SAMD12: variants seen among roughly 807,000 people sequenced by gnomAD.
SAMD12 encodes the protein sterile alpha motif domain containing 12.
Under a neutral mutation model 15.0 loss-of-function variants are expected in SAMD12, and 9 were observed. The observed-to-expected ratio is 0.60, with a 90% CI of 0.36 to 1.05. SAMD12 has a LOEUF of 1.05. Among genes scored for constraint, SAMD12 ranks in the 50% least tolerant of loss-of-function variants. The pLI, the probability that SAMD12 is intolerant of heterozygous loss-of-function variation, is 0.01. For synonymous variants in SAMD12, 86 were observed against 90.1 expected (o/e 0.96, Z 0.25); for missense variants, 230 against 234.2 (o/e 0.98, Z 0.12).
In SAMD12 at chr8:118,378,616, T is replaced by C. The variant is rs1372960369; in HGVS notation, c.*801A>G. 2 of 985,148 alleles carry C rather than the reference T, an allele frequency of 2.0e-6. No individual in the cohort carries two copies. The highest frequency in any genetic ancestry group is 3.5e-5 in the African/African-American group (2 of 57,220). The allele number at this position is 985,148 out of a possible 1,614,324, so 61.0% of individuals were successfully genotyped here. Reference sequence around the variant, plus strand: ...TTGGCTGACCCAGATTTCTCCAATATCGGTATGCATGCAATTACAATATTC... The same window carrying C: ...TTGGCTGACCCAGATTTCTCCAATACCGGTATGCATGCAATTACAATATTC... On this transcript the variant is annotated 3_prime_UTR_variant, in exon 4 of 4. Coordinates refer to ENST00000314727, the MANE Select transcript of SAMD12 (RefSeq NM_207506.3).
intron 3 of SAMD12, among the ~76,000 whole-genome samples, chr8:118,413,221 T>G (rs1303141148): frequency 2.0e-5 from 3 of 152,134 alleles, no homozygotes; most frequent in Non-Finnish European, 4.4e-5. Context: ...GTGAGCTAAT[T>G]AATTATTTAT....
chr8:118,351,606 T>C (rs117982600), intron 4 of SAMD12, among the ~76,000 whole-genome samples: 8,524 of 152,144 alleles, frequency 0.056, 510 homozygotes, highest in Admixed American at 0.19. Flanking sequence ...TATGTGTATG[T>C]AGGATTGACA....
intron 2 of SAMD12, among the ~76,000 whole-genome samples, chr8:118,481,087 T>G (rs1182660127): frequency 6.6e-6 from 1 of 152,072 alleles, no homozygotes; most frequent in Non-Finnish European, 1.5e-5. Flanking sequence ...GGATTACAGG[T>G]GTGTGCCACC....
At chr8:118,554,450 G>A (rs1302864964) in intron 2 of SAMD12, among the ~76,000 whole-genome samples, 11 of 149,656 alleles carry the variant, frequency 7.4e-5, no homozygotes, top group Non-Finnish European at 1.5e-4. Context: ...ACCAAACACC[G>A]CATATTCTCA....
intron 4 of SAMD12, among the ~76,000 whole-genome samples, chr8:118,346,085 C>T (rs62532674): frequency 3.3e-5 from 5 of 152,146 alleles, no homozygotes; most frequent in African/African-American, 7.2e-5. Flanking sequence ...TCATAATTAT[C>T]GAGGGATGTC....
In SAMD12 at chr8:118,300,899, T is replaced by C. The variant is rs994302720; in HGVS notation, c.433+78661A>G. ...CTTCGATTTCTACAATGTAAACACATCTTACCTATTTTAACATGATGCATA... is the reference window on the plus strand; with the variant it reads ...CTTCGATTTCTACAATGTAAACACACCTTACCTATTTTAACATGATGCATA... On this transcript the variant is annotated intron_variant, in intron 4 of 4. Coordinates refer to the SAMD12 transcript ENST00000409003. Among the ~76,000 whole-genome samples the C allele has an allele frequency of 2.6e-5, 4 of 152,210 alleles. No individual in the cohort carries two copies. The East Asian group carries it at 7.7e-4, about 29-fold the overall frequency.
In SAMD12 at chr8:118,256,599, TA is replaced by T. The variant is rs574585408; in HGVS notation, c.434-58868del. On this transcript the variant is annotated intron_variant, in intron 4 of 4. Coordinates refer to the SAMD12 transcript ENST00000409003. ...TTTCAGTTCAAAGTGCGTAAAGTACTAATGGGGAAGAAGTTCCCATTTTACC... is the reference window on the plus strand; with the variant it reads ...TTTCAGTTCAAAGTGCGTAAAGTACTATGGGGAAGAAGTTCCCATTTTACC... 6.2e-3 allele frequency among the ~76,000 whole-genome samples: 939 copies of T among 152,134 alleles called. 13 individuals carry two copies. Among genetic ancestry groups the T allele is most frequent in the African/African-American group, 0.022 (904 of 41,516 alleles).
chr8:118,517,991 C>T (rs1404687737), intron 2 of SAMD12, among the ~76,000 whole-genome samples: 16 of 152,162 alleles, frequency 1.1e-4, no homozygotes, highest in Admixed American at 1.0e-3. Flanking sequence ...CATCCAACAG[C>T]AGGCTCAGAC....
At chr8:118,293,383 C>T (rs1814523745) in intron 4 of SAMD12, among the ~76,000 whole-genome samples, 1 of 152,158 alleles carries the variant, frequency 6.6e-6, no homozygotes, top group African/African-American at 2.4e-5. Context: ...TTGATGGTTA[C>T]CTTCTTGAGG....
At chr8:118,467,851 G>A (rs535024467) in intron 2 of SAMD12, among the ~76,000 whole-genome samples, 33 of 152,232 alleles carry the variant, frequency 2.2e-4, no homozygotes, top group African/African-American at 7.0e-4. Flanking sequence ...CATTGAAATC[G>A]CCAAGACACT....
At chr8:118,237,317 T>G (rs1383008709) in intron 4 of SAMD12, among the ~76,000 whole-genome samples, 2 of 152,184 alleles carry the variant, frequency 1.3e-5, no homozygotes, top group Non-Finnish European at 2.9e-5. Context: ...GATACACTAA[T>G]GAGTTACGTA....
At chr8:118,504,284 A>G (rs1456116822) in intron 2 of SAMD12, among the ~76,000 whole-genome samples, 5 of 152,200 alleles carry the variant, frequency 3.3e-5, no homozygotes, top group Non-Finnish European at 5.9e-5. Flanking sequence ...AGAAGCCCGG[A>G]GAAAAACAAC....
chr8:118,292,349 G>GACACACACAGACACACACACAC (rs1554624055), intron 4 of SAMD12, among the ~76,000 whole-genome samples: 17 of 137,720 alleles, frequency 1.2e-4, no homozygotes, highest in African/African-American at 3.9e-4. Context: ...CAAACACACA[G>GACACACACAGACACACACACAC]ACACACACAC....
chr8:118,154,106 C>G, the SAMD12 span, among the ~76,000 whole-genome samples: 1 of 151,354 alleles, frequency 6.6e-6, no homozygotes, highest in Non-Finnish European at 1.5e-5. Context: ...ATGTCAATGC[C>G]TGCTTAAGCA....
intron 4 of SAMD12, among the ~76,000 whole-genome samples, chr8:118,207,929 T>G (rs1586343554): frequency 1.9e-4 from 1 of 5,396 alleles, no homozygotes; most frequent in African/African-American, 2.8e-3. Context: ...TAAATACTCC[T>G]TTTTTTTTTT....
In SAMD12 at chr8:118,309,996, C is replaced by G. The variant is rs115288540; in HGVS notation, c.433+69564G>C. 9.2e-3 allele frequency among the ~76,000 whole-genome samples: 1,400 copies of G among 152,330 alleles called. 23 individuals are homozygous for G. The highest frequency in any genetic ancestry group is 0.032 in the African/African-American group (1,328 of 41,570). ...AATTATTAAAGGAAAGAAAGCTTTA[C>G]AGCTTCCCCTACTTTCCTTATAGAA... is the stretch of plus-strand genomic sequence containing the variant. On this transcript the variant is annotated intron_variant, in intron 4 of 4. Coordinates refer to the SAMD12 transcript ENST00000409003.
At chr8:118,138,638 G>A in the SAMD12 span, among the ~76,000 whole-genome samples, 2 of 152,188 alleles carry the variant, frequency 1.3e-5, no homozygotes, top group African/African-American at 4.8e-5. Context: ...ATGGTATTTT[G>A]TATAGAAGCC....
intron 4 of SAMD12, among the ~76,000 whole-genome samples, chr8:118,358,477 C>T (rs1371153451): frequency 6.6e-6 from 1 of 152,166 alleles, no homozygotes; most frequent in African/African-American, 2.4e-5. Context: ...CGGCCAATTT[C>T]AGATGGTAGT....
intron 3 of SAMD12, among the ~76,000 whole-genome samples, chr8:118,405,342 A>G (rs1821073726): frequency 6.6e-6 from 1 of 152,228 alleles, no homozygotes; most frequent in Non-Finnish European, 1.5e-5. Flanking sequence ...TTAAAATATA[A>G]TTACACAATG....
Sources: gnomAD v4.1 joint callset for allele counts (sites outside exome capture counted in the v4.1 genomes callset) on GRCh38, gnomAD v4.1.1 for gene constraint, MANE v1.5 for transcripts, NCBI Gene and HGNC (gene_info 2026-07-23, HGNC 2026-07-21) for gene names.